The following ZNF44 variants were observed in gnomAD, a reference collection of about 807,000 sequenced individuals.
ZNF44 encodes the protein zinc finger protein 44, also known as gonadotropin inducible transcription repressor-2.
A neutral mutation model predicts 11.7 loss-of-function variants in ZNF44; 9 were observed. That is an observed-to-expected ratio of 0.77 (90% CI 0.46 to 1.35). The LOEUF (loss-of-function observed/expected upper bound fraction) is 1.35. Ranked by LOEUF, ZNF44 falls within the 40% of genes most tolerant of loss-of-function variation. The probability of loss-of-function intolerance (pLI) is 0.00; values close to 1 mark genes in which losing one functional copy is unlikely to be tolerated. For synonymous variants in ZNF44, 224 were observed against 242.7 expected (o/e 0.92, Z 0.72); for missense variants, 696 against 743.1 (o/e 0.94, Z 0.74).
At chr19:12,257,799 A>G (rs1428847373) in intron 5 of ZNF44, among the ~76,000 whole-genome samples, 1 of 117,586 alleles carries the variant, frequency 8.5e-6, no homozygotes, top group African/African-American at 4.3e-5. Flanking sequence ...ACTCTGTCTC[A>G]AAAAAAAAAA....
chr19:12,263,287 T>C (rs1917592624), intron 5 of ZNF44, among the ~76,000 whole-genome samples: 1 of 151,964 alleles, frequency 6.6e-6, no homozygotes, highest in Non-Finnish European at 1.5e-5. Context: ...GGTTTCTCCA[T>C]GTTGGTCAGG....
rs963472033 is a variant in ZNF44, at chr19:12,272,224, C to T, written c.*183G>A. On this transcript the variant is annotated 3_prime_UTR_variant, in exon 4 of 4. Transcript: ENST00000355684. ...TTTCCCATGTTAGCCAGGCTGGTCT[C>T]GATCTCCTGGCCTCGTGATCTGCCC... The T allele has an allele frequency of 1.2e-5, 12 of 1,019,366 alleles. No homozygotes were observed. In the African/African-American group the frequency reaches 1.5e-4, roughly 13 times the overall value. The allele number at this position is 1,019,366 out of a possible 1,614,324, so 63.1% of individuals were successfully genotyped here.
At chr19:12,246,611 GA>G (rs547549486), downstream of ZNF44, among the ~76,000 whole-genome samples, 100 of 152,140 alleles carry the variant, frequency 6.6e-4, no homozygotes, top group African/African-American at 2.4e-3. Flanking sequence ...CTGACTTAAG[GA>G]AAAAACACTA....
intron 1 of ZNF44, among the ~76,000 whole-genome samples, chr19:12,278,273 C>T (rs1054665309): frequency 3.9e-5 from 6 of 152,190 alleles, no homozygotes; most frequent in Non-Finnish European, 7.3e-5. Context: ...CTTTGTTTCC[C>T]GTAAGGAAGG....
intron 5 of ZNF44, among the ~76,000 whole-genome samples, chr19:12,264,023 G>A (rs1917629810): frequency 1.3e-5 from 2 of 151,996 alleles, no homozygotes; most frequent in South Asian, 4.1e-4. Context: ...AGCCCAGGAG[G>A]CTGCAGTGAG....
chr19:12,266,464 C>T (rs999767425), intron 5 of ZNF44, among the ~76,000 whole-genome samples: 8 of 152,206 alleles, frequency 5.3e-5, no homozygotes, highest in African/African-American at 1.4e-4. Flanking sequence ...GCCCCGCCTG[C>T]TGCCCTACAG....
chr19:12,265,059 G>C (rs574150336), intron 5 of ZNF44, among the ~76,000 whole-genome samples: 1 of 152,032 alleles, frequency 6.6e-6, no homozygotes, highest in Admixed American at 6.6e-5. Context: ...CTAAGCCCTG[G>C]AATTCCTCTT....
chr19:12,250,290 GT>G, exon 6 of ZNF44: 5 of 1,366,682 alleles, frequency 3.7e-6, no homozygotes, highest in Non-Finnish European at 3.9e-6. Flanking sequence ...TCTCTGTAGA[GT>G]TTTTTCTGTG....
Position 12,272,435 on chromosome 19 carries a change from TTA to T in ZNF44, c.1818_1819del (p.His606GlnfsTer28). ...TAGAATATCCTTCCAGTGTGTCCTTTTATGTCTATTAAAGGAACTGAGAGAAC... is the reference window on the plus strand; with the variant it reads ...TAGAATATCCTTCCAGTGTGTCCTTTTGTCTATTAAAGGAACTGAGAGAAC... On this transcript the variant is annotated frameshift_variant, in exon 4 of 4. Transcript: ENST00000355684. LOFTEE classifies it low-confidence loss of function (END_TRUNC). The T allele has an allele frequency of 6.4e-7, 1 of 1,567,962 alleles. No individual in the cohort carries two copies. The highest frequency in any genetic ancestry group is 8.6e-7 in the Non-Finnish European group (1 of 1,161,744).
At chr19:12,279,600 T>G (rs1463345719) in intron 1 of ZNF44, among the ~76,000 whole-genome samples, 1 of 151,792 alleles carries the variant, frequency 6.6e-6, no homozygotes, top group Non-Finnish European at 1.5e-5. Flanking sequence ...ATTTACTGAA[T>G]AAAAACAGTA....
At chr19:12,232,414 C>T (rs1327268632) in intron 2 of ZNF44, among the ~76,000 whole-genome samples, 4 of 152,144 alleles carry the variant, frequency 2.6e-5, no homozygotes, top group East Asian at 1.9e-4. Flanking sequence ...TCCCTTCCCA[C>T]GAGGCCATAT....
intron 6 of ZNF44, chr19:12,250,194 G>A (rs747000037): frequency 1.5e-6 from 2 of 1,307,160 alleles, no homozygotes; most frequent in Admixed American, 2.5e-5. Context: ...CAAGAAAAAG[G>A]TATTCTCTAA....
chr19:12,266,674 A>G (rs1054677333), intron 5 of ZNF44, among the ~76,000 whole-genome samples: 2 of 152,170 alleles, frequency 1.3e-5, no homozygotes, highest in South Asian at 2.1e-4. Context: ...TCCCCTATCA[A>G]TAAGTTAAAT....
In ZNF44 at chr19:12,273,500, G is replaced by A. The variant is rs1249462374; in HGVS notation, c.755C>T (p.Pro252Leu). The A allele has an allele frequency of 1.9e-6, 3 of 1,614,046 alleles. No individual in the cohort carries two copies. The highest frequency in any genetic ancestry group is 1.7e-5 in the Admixed American group (1 of 60,006). The part of the protein sequence containing the change: ...RHEKIHTGEK[P>L]YECKQCSKAF... Reference sequence around the variant, plus strand: ...TTTAGAACACTGCTTACATTCATACGGTTTCTCCCCAGTGTGTATTTTTTC... The same window carrying A: ...TTTAGAACACTGCTTACATTCATACAGTTTCTCCCCAGTGTGTATTTTTTC... Residue 252 changes from proline (P) to leucine (L), a missense_variant, in exon 4 of 4, where the codon CCG becomes CTG. By Grantham distance (98) the Pro-to-Leu change is moderately conservative. Coordinates refer to ENST00000355684, the MANE Select transcript of ZNF44 (RefSeq NM_016264.4).
At chr19:12,259,840 C>T (rs1481366496) in intron 5 of ZNF44, among the ~76,000 whole-genome samples, 3 of 152,182 alleles carry the variant, frequency 2.0e-5, no homozygotes, top group African/African-American at 4.8e-5. Flanking sequence ...GTGGGAGAGG[C>T]GCATGAAGCA....
chr19:12,225,082 T>C (rs568046556), downstream of ZNF44: 2 of 152,326 alleles, frequency 1.3e-5, no homozygotes, highest in East Asian at 1.9e-4. Context: ...TTATCCACAA[T>C]GGTGATGCTT....
chr19:12,266,192 C>CGCAG, intron 5 of ZNF44: 1 of 947,890 alleles, frequency 1.1e-6, no homozygotes, highest in South Asian at 4.9e-5. Context: ...CGGAGTCGCC[C>CGCAG]GCAGGGAGGC....
At chr19:12,239,100 T>C (rs541537254), upstream of ZNF44, among the ~76,000 whole-genome samples, 1 of 152,260 alleles carries the variant, frequency 6.6e-6, no homozygotes, top group South Asian at 2.1e-4. Context: ...CAAACAAGTC[T>C]TTCTCTAAAC....
At chr19:12,278,858 G>A (rs906451964) in intron 1 of ZNF44, among the ~76,000 whole-genome samples, 1 of 152,126 alleles carries the variant, frequency 6.6e-6, no homozygotes, top group East Asian at 1.9e-4. Flanking sequence ...CCCCACGCAG[G>A]CACAGGAAAC....
Sources: allele counts gnomAD v4.1 joint callset (sites outside exome capture counted in the v4.1 genomes callset), GRCh38; gene constraint gnomAD v4.1.1; transcripts MANE v1.5; gene names NCBI Gene and HGNC (gene_info 2026-07-23, HGNC 2026-07-21).